DPP6: variants seen among roughly 807,000 people sequenced by gnomAD.
DPP6 encodes A-type potassium channel modulatory protein DPP6.
In DPP6, 69 loss-of-function variants were observed where a neutral mutation model predicts 122.6. The observed-to-expected ratio is 0.56, with a 90% confidence interval of 0.46 to 0.69. The LOEUF (loss-of-function observed/expected upper bound fraction) is 0.69, where lower values mean the gene tolerates loss of function less well. DPP6 is among the 30% of genes least tolerant of loss of function. The probability of loss-of-function intolerance (pLI) is 0.00; values close to 1 mark genes in which losing one functional copy is unlikely to be tolerated. For synonymous variants in DPP6, 418 were observed against 433.1 expected, an observed-to-expected ratio of 0.97 and a Z score of 0.43; for missense variants, 928 against 1,116.9, an observed-to-expected ratio of 0.83 and a Z score of 2.41.
intron 1 of DPP6, among the ~76,000 whole-genome samples, chr7:154,133,668 A>G (rs1231038590): frequency 1.3e-5 from 2 of 152,252 alleles, no homozygotes; most frequent in African/African-American, 2.4e-5. Context: ...AACAGGAAAA[A>G]TGGCAGGGTG....
At chr7:154,788,644 CA>C (rs1414393342) in intron 10 of DPP6, among the ~76,000 whole-genome samples, 2 of 152,168 alleles carry the variant, frequency 1.3e-5, no homozygotes, top group Admixed American at 6.5e-5. Flanking sequence ...TCCCATAACT[CA>C]AAGGTTCTAG....
At chr7:153,837,055 C>T in the DPP6 span, among the ~76,000 whole-genome samples, 9 of 152,270 alleles carry the variant, frequency 5.9e-5, no homozygotes, top group Admixed American at 3.3e-4. Flanking sequence ...CATGCCACAC[C>T]GCCAAGAAAA....
At chr7:154,514,342 C>A (rs1826324827) in intron 3 of DPP6, among the ~76,000 whole-genome samples, 1 of 152,136 alleles carries the variant, frequency 6.6e-6, no homozygotes, top group South Asian at 2.1e-4. Flanking sequence ...CCTTCTCATA[C>A]TTTCCATCAA....
chr7:153,750,889 T>C, the DPP6 span, among the ~76,000 whole-genome samples: 3 of 152,250 alleles, frequency 2.0e-5, no homozygotes, highest in African/African-American at 7.2e-5. Flanking sequence ...TTCAGTTCCT[T>C]TTCTCAAAGA....
intron 5 of DPP6, among the ~76,000 whole-genome samples, chr7:154,636,950 A>G (rs1835762878): frequency 2.6e-5 from 4 of 152,304 alleles, no homozygotes; most frequent in South Asian, 4.1e-4. Context: ...CAGAGGTTTC[A>G]CAAGTAAAGG....
Position 154,036,020 on chromosome 7 carries a change from T to TTGTG in DPP6, c.51+148310_51+148313dup, listed in dbSNP as rs1162400104. On this transcript the variant is annotated intron_variant, in intron 1 of 25. Coordinates refer to the DPP6 transcript ENST00000404039. ...AATGGCCAGGATTACGCGCGCGCGC[T>TTGTG]TGTGTGTGTGTGTGTGTGTGTGTGT... is the stretch of plus-strand genomic sequence containing the variant. Among the ~76,000 whole-genome samples the TTGTG allele has an allele frequency of 3.4e-3, 185 of 54,562 alleles. 4 individuals carry two copies. Among genetic ancestry groups the TTGTG allele is most frequent in the East Asian group, 0.011 (40 of 3,592 alleles). The allele number at this position is 54,562 out of a possible 152,430, so 35.8% of individuals were successfully genotyped here. A position where few individuals can be genotyped will look rare whatever the true frequency, so the allele number is the denominator to read the frequency against.
intron 5 of DPP6, among the ~76,000 whole-genome samples, chr7:154,591,000 G>A (rs1586696715): frequency 6.6e-6 from 1 of 152,324 alleles, no homozygotes; most frequent in East Asian, 1.9e-4. Context: ...ACATGGCACT[G>A]TGCTGGGTTA....
chr7:154,734,034 A>G (rs1842464156), intron 8 of DPP6, among the ~76,000 whole-genome samples: 1 of 152,258 alleles, frequency 6.6e-6, no homozygotes, highest in Non-Finnish European at 1.5e-5. Flanking sequence ...GATAACTGGT[A>G]CAGTCTTCAG....
At chr7:154,021,061 C>T (rs28539534) in intron 1 of DPP6, among the ~76,000 whole-genome samples, 2 of 152,062 alleles carry the variant, frequency 1.3e-5, no homozygotes, top group South Asian at 4.1e-4. Flanking sequence ...TAGCATCATT[C>T]CACCAACGGA....
At chr7:154,533,416 C>T (rs1009605447) in intron 3 of DPP6, among the ~76,000 whole-genome samples, 3 of 152,174 alleles carry the variant, frequency 2.0e-5, no homozygotes, top group East Asian at 1.9e-4. Context: ...AGCTCTATTT[C>T]GGTTAAAGAA....
At chr7:154,575,809 T>TGTGTA (rs1378840745) in intron 5 of DPP6, among the ~76,000 whole-genome samples, 7 of 151,536 alleles carry the variant, frequency 4.6e-5, no homozygotes, top group Admixed American at 1.3e-4. Context: ...TGTGTTTGTG[T>TGTGTA]GTGTAGTGTG....
intron 6 of DPP6, among the ~76,000 whole-genome samples, chr7:154,643,784 G>A (rs1836268216): frequency 6.6e-6 from 1 of 152,184 alleles, no homozygotes; most frequent in East Asian, 1.9e-4. Flanking sequence ...CACCAAAGAA[G>A]GAGGGGAGGG....
intron 1 of DPP6, among the ~76,000 whole-genome samples, chr7:153,934,299 G>A (rs1801322396): frequency 6.6e-6 from 1 of 152,088 alleles, no homozygotes; most frequent in Non-Finnish European, 1.5e-5. Context: ...TGTAGCCTTC[G>A]AGGGAATGTA....
Position 154,893,066 on chromosome 7 carries a change from C to G in DPP6, c.*586C>G. Reference sequence around the variant, plus strand: ...TACTGTAGCTACGCTAATGGTTAACCTGATAGAATTAACTCGTATTTTTCT... The same window carrying G: ...TACTGTAGCTACGCTAATGGTTAACGTGATAGAATTAACTCGTATTTTTCT... On this transcript the variant is annotated 3_prime_UTR_variant, in exon 26 of 26. Transcript: ENST00000377770. 1 of 433,236 alleles carries G rather than the reference C, an allele frequency of 2.3e-6. No homozygotes were observed. Among genetic ancestry groups the G allele is most frequent in the South Asian group, 1.7e-5 (1 of 57,420 alleles). 26.8% of individuals were successfully genotyped at this position (433,236 alleles called of 1,614,324 possible). A position where few individuals can be genotyped will look rare whatever the true frequency, so the allele number is the denominator to read the frequency against.
At chr7:154,020,083 A>C (rs1438269517) in intron 1 of DPP6, among the ~76,000 whole-genome samples, 4 of 151,484 alleles carry the variant, frequency 2.6e-5, no homozygotes, top group Admixed American at 6.6e-5. Context: ...GTTTCAAATA[A>C]AACTTTCCAG....
At chr7:154,828,117 T>G (rs971824620) in intron 16 of DPP6, among the ~76,000 whole-genome samples, 2 of 151,998 alleles carry the variant, frequency 1.3e-5, no homozygotes, top group Non-Finnish European at 2.9e-5. Context: ...CCTGTAGGAG[T>G]GCGCCTGTGT....
intron 1 of DPP6, among the ~76,000 whole-genome samples, chr7:154,318,260 A>G (rs1443894316): frequency 6.6e-6 from 1 of 152,244 alleles, no homozygotes; most frequent in Non-Finnish European, 1.5e-5. Flanking sequence ...AGAAATGTAT[A>G]TGAGAGTTGT....
At chr7:154,167,226 G>A (rs559687423) in intron 1 of DPP6, among the ~76,000 whole-genome samples, 16 of 152,324 alleles carry the variant, frequency 1.1e-4, no homozygotes, top group South Asian at 4.1e-4. Context: ...GGGACCAGGC[G>A]TGGTGTGTGC....
chr7:154,003,966 G>A (rs1274055406), intron 1 of DPP6, among the ~76,000 whole-genome samples: 1 of 152,178 alleles, frequency 6.6e-6, no homozygotes, highest in Non-Finnish European at 1.5e-5. Context: ...AATGTACACA[G>A]ACTGTAAGTA....
Sources: gnomAD v4.1 joint callset for allele counts (sites outside exome capture counted in the v4.1 genomes callset) on GRCh38, gnomAD v4.1.1 for gene constraint, MANE v1.5 for transcripts, NCBI Gene and HGNC (gene_info 2026-07-23, HGNC 2026-07-21) for gene names.